SHROOM4: variants seen among roughly 807,000 people sequenced by gnomAD.
SHROOM4 encodes the protein protein Shroom4.
Under a neutral mutation model 80.3 loss-of-function variants are expected in SHROOM4, and 17 were observed. That is an observed-to-expected ratio of 0.21 (90% CI 0.14 to 0.32). The LOEUF is 0.32. Among genes scored for constraint, SHROOM4 ranks in the 10% least tolerant of loss-of-function variants. The pLI, the probability that SHROOM4 is intolerant of heterozygous loss-of-function variation, is 1.00. For missense variants in SHROOM4, 993 were observed against 1,140.3 expected, an observed-to-expected ratio of 0.87 and a Z score of 1.86; for synonymous variants, 400 against 437.5, an observed-to-expected ratio of 0.91 and a Z score of 1.07.
chrX:50,591,549 T>C lies in SHROOM4; in HGVS notation c.*5146A>G, dbSNP rs1268501913. The C allele has an allele frequency of 4.4e-6, 1 of 229,375 alleles. No homozygotes were observed. Among genetic ancestry groups the C allele is most frequent in the Non-Finnish European group, 7.9e-6 (1 of 126,418 alleles). 18.9% of individuals were successfully genotyped at this position (229,375 alleles called of 1,213,427 possible). A position where few individuals can be genotyped will look rare whatever the true frequency, so the allele number is the denominator to read the frequency against. ...ACATGGAGTGTCTTTCCATTTATTT[T>C]GATCTTCTCTAATCTCTTTCAACAA... On this transcript the variant is annotated 3_prime_UTR_variant, in exon 9 of 9. Coordinates refer to ENST00000376020, the MANE Select transcript of SHROOM4 (RefSeq NM_020717.5).
Position 50,590,371 on chromosome X carries a change from C to T in SHROOM4, c.*6324G>A, listed in dbSNP as rs1181792603. Among the ~76,000 whole-genome samples the T allele has an allele frequency of 2.7e-5, 3 of 111,108 alleles. No homozygotes were observed. The highest frequency in any genetic ancestry group is 9.5e-5 in the Admixed American group (1 of 10,502). ...ACGCCATTCTCCTGCCTCAGCCTCC[C>T]GACTAGCTGGGACTACAGGCACCTG... On this transcript the variant is annotated 3_prime_UTR_variant, in exon 9 of 9. Coordinates refer to ENST00000376020, the MANE Select transcript of SHROOM4 (RefSeq NM_020717.5).
intron 1 of SHROOM4, among the ~76,000 whole-genome samples, chrX:50,767,264 T>G (rs143559690): frequency 0.031 from 3,494 of 112,051 alleles, 60 homozygotes; most frequent in Middle Eastern, 0.06. Context: ...TAAAATAACT[T>G]AAATCTCCAA....
At chrX:50,813,861 CA>C in intron 1 of SHROOM4, 40 bp downstream of exon 1, 1 of 1,060,290 alleles carries the variant, frequency 9.4e-7, no homozygotes, top group Non-Finnish European at 1.3e-6. Context: ...CTTGTCCATT[CA>C]AAGTTAGGCG....
chrX:50,634,919 T>C lies in SHROOM4; in HGVS notation c.1154A>G (p.Asn385Ser), dbSNP rs564044230. 8.3e-7 allele frequency: 1 copy of C among 1,209,338 alleles called. No individual in the cohort carries two copies. Among genetic ancestry groups the C allele is most frequent in the Non-Finnish European group, 1.1e-6 (1 of 894,234 alleles). The change falls in exon 4 of 9, where the codon AAT (asparagine) becomes AGT (serine). Residue 385 changes from asparagine (N) to serine (S), a missense_variant. Physicochemically the swap from Asn to Ser is conservative, Grantham distance 46 (BLOSUM62 1). Transcript: ENST00000376020. ...RASSVDSNPLNEASAELAKAS... is the reference protein window; with the variant it reads ...RASSVDSNPLSEASAELAKAS... ...CTTAGCTAGCTCTGCAGAAGCCTCA[T>C]TGAGTGGGTTGGAATCCACGCTGGA...
At chrX:50,740,850 T>G (rs1219012238) in intron 1 of SHROOM4, among the ~76,000 whole-genome samples, 3 of 112,279 alleles carry the variant, frequency 2.7e-5, no homozygotes, top group Non-Finnish European at 5.6e-5. Context: ...GTCTGCTCTT[T>G]TGGGGTCATA....
At chrX:50,646,465 G>T (rs1013395007) in intron 2 of SHROOM4, among the ~76,000 whole-genome samples, 44 of 109,294 alleles carry the variant, frequency 4.0e-4, no homozygotes, top group African/African-American at 1.4e-3. Context: ...TGTTGGCTGG[G>T]GTCCTTGCAG....
intron 2 of SHROOM4, among the ~76,000 whole-genome samples, chrX:50,651,838 T>A (rs1167370402): frequency 9.1e-6 from 1 of 109,981 alleles, no homozygotes; most frequent in Non-Finnish European, 1.9e-5. Flanking sequence ...TGGTGTTTGG[T>A]TTTCTGTTCC....
chrX:50,804,331 C>A (rs1357728759), intron 1 of SHROOM4, among the ~76,000 whole-genome samples: 1 of 111,328 alleles, frequency 9.0e-6, no homozygotes, highest in Non-Finnish European at 1.9e-5. Flanking sequence ...TTCTGAATAC[C>A]GACCCAGTCC....
At chrX:50,584,346 AGCAGGTTT>A (rs1277045523), downstream of SHROOM4, among the ~76,000 whole-genome samples, 3 of 112,533 alleles carry the variant, frequency 2.7e-5, no homozygotes, top group Non-Finnish European at 5.6e-5. Flanking sequence ...GAATCTGAAA[AGCAGGTTT>A]GCCCAGATAA....
intron 1 of SHROOM4, among the ~76,000 whole-genome samples, chrX:50,795,114 G>T (rs868961435): frequency 3.0e-4 from 15 of 50,486 alleles, no homozygotes; most frequent in South Asian, 1.1e-3. Context: ...ATATATATAT[G>T]ATATATATAT....
chrX:50,623,973 A>AAG (rs1930692449), intron 5 of SHROOM4, among the ~76,000 whole-genome samples: 1 of 3,484 alleles, frequency 2.9e-4, no homozygotes, highest in Admixed American at 9.3e-3. Flanking sequence ...AAGATCTATA[A>AAG]AGACAAAGTA....
chrX:50,648,121 G>T (rs781908794), intron 2 of SHROOM4, among the ~76,000 whole-genome samples: 1 of 112,041 alleles, frequency 8.9e-6, no homozygotes, highest in Admixed American at 9.5e-5. Flanking sequence ...AGAAGCCAGA[G>T]AACCATTTAA....
chrX:50,781,212 C>T (rs1406271013), intron 1 of SHROOM4, among the ~76,000 whole-genome samples: 1 of 111,620 alleles, frequency 9.0e-6, no homozygotes, highest in African/African-American at 3.3e-5. Context: ...GATTCAAATG[C>T]TAGTCTCTTC....
intron 3 of SHROOM4, among the ~76,000 whole-genome samples, 185 bp from the exon 4 acceptor site, chrX:50,635,853 A>C (rs1200203666): frequency 9.1e-6 from 1 of 110,036 alleles, no homozygotes; most frequent in Non-Finnish European, 1.9e-5. Flanking sequence ...GCTTAGTAAA[A>C]TGGGACACAA....
intron 1 of SHROOM4, among the ~76,000 whole-genome samples, chrX:50,761,631 C>T (rs1262455370): frequency 6.3e-5 from 7 of 111,322 alleles, no homozygotes; most frequent in Non-Finnish European, 9.4e-5. Flanking sequence ...GGCATGACCT[C>T]GGCTTACTGC....
chrX:50,769,829 C>G (rs782802175), intron 1 of SHROOM4, among the ~76,000 whole-genome samples: 42 of 111,246 alleles, frequency 3.8e-4, no homozygotes, highest in Non-Finnish European at 6.4e-4. Context: ...GGCTTAGAGT[C>G]TAGGGTTAGG....
chrX:50,724,564 A>G (rs1455520255), intron 1 of SHROOM4, among the ~76,000 whole-genome samples: 3 of 112,975 alleles, frequency 2.7e-5, no homozygotes, highest in Non-Finnish European at 3.7e-5. Flanking sequence ...TCCTGGGTTC[A>G]AGTGATTCTC....
chrX:50,586,935 C>T lies in SHROOM4; in HGVS notation c.*9760G>A. Among the ~76,000 whole-genome samples the T allele has an allele frequency of 9.0e-6, 1 of 111,729 alleles. No homozygotes were observed. The highest frequency in any genetic ancestry group is 9.5e-5 in the Admixed American group (1 of 10,490). On this transcript the variant is annotated 3_prime_UTR_variant, in exon 9 of 9. Coordinates refer to ENST00000376020, the MANE Select transcript of SHROOM4 (RefSeq NM_020717.5). The stretch of plus-strand genomic sequence containing the variant: ...TAATTACCCTCTTTTGCAGTAAGAG[C>T]ACCTGAAATCTACTCTTAGAAAATT...
rs782813194 is a variant in SHROOM4, at chrX:50,668,754, TA to T, written c.269+27031del. On this transcript the variant is annotated intron_variant, in intron 2 of 8. Transcript: ENST00000376020. ...AAAAACAGAAAGACTTACAAAGAAT[TA>T]GCAAGTCTTGGCAAAGATGTAGAAT... Among the ~76,000 whole-genome samples, 738 of 112,131 alleles carry T rather than the reference TA, an allele frequency of 6.6e-3. 3 individuals are homozygous for T. The highest frequency in any genetic ancestry group is 9.1e-3 in the Admixed American group (97 of 10,638).
Sources: allele counts gnomAD v4.1 joint callset (sites outside exome capture counted in the v4.1 genomes callset), GRCh38; gene constraint gnomAD v4.1.1; transcripts MANE v1.5; gene names NCBI Gene and HGNC (gene_info 2026-07-23, HGNC 2026-07-21).